FNDC3A: variants seen among roughly 807,000 people sequenced by gnomAD.
FNDC3A encodes fibronectin type-III domain-containing protein 3A.
FNDC3A carries 32 observed loss-of-function variants against 148.9 expected under a neutral mutation model. The observed-to-expected ratio is 0.21, with a 90% CI of 0.16 to 0.29. The LOEUF is 0.29. Among genes scored for constraint, FNDC3A ranks in the 10% least tolerant of loss-of-function variants. The pLI, the probability that FNDC3A is intolerant of heterozygous loss-of-function variation, is 1.00. For missense variants in FNDC3A, 1,191 were observed against 1,452.8 expected (o/e 0.82, Z 2.93); for synonymous variants, 472 against 473.6 (o/e 1.00, Z 0.04).
At chr13:49,202,580 C>CATGTACT (rs1886470621) in intron 24 of FNDC3A, among the ~76,000 whole-genome samples, 1 of 152,172 alleles carries the variant, frequency 6.6e-6, no homozygotes, top group Admixed American at 6.5e-5. Context: ...TATCCTAGAT[C>CATGTACT]ATGTACTTAA....
At chr13:49,144,013 G>GCTACTA (rs1236746605) in intron 7 of FNDC3A, among the ~76,000 whole-genome samples, 1 of 142,124 alleles carries the variant, frequency 7.0e-6, no homozygotes, top group Admixed American at 6.9e-5. Flanking sequence ...TACTACTACT[G>GCTACTA]CTACTACTAC....
chr13:49,161,137 C>T (rs1386478417), intron 8 of FNDC3A, among the ~76,000 whole-genome samples: 1 of 152,028 alleles, frequency 6.6e-6, no homozygotes, highest in African/African-American at 2.4e-5. Context: ...CTATTAGGTC[C>T]AGTTGGTGCA....
intron 3 of FNDC3A, among the ~76,000 whole-genome samples, chr13:49,087,426 G>C (rs1314109952): frequency 6.6e-6 from 1 of 152,050 alleles, no homozygotes; most frequent in Non-Finnish European, 1.5e-5. Flanking sequence ...TATTACGTAG[G>C]TAGAAATATG....
At chr13:49,057,086 G>T (rs1009069779) in intron 2 of FNDC3A, among the ~76,000 whole-genome samples, 14 of 152,248 alleles carry the variant, frequency 9.2e-5, no homozygotes, top group Admixed American at 9.2e-4. Flanking sequence ...AGGTACTCAG[G>T]CTTGATGGAC....
chr13:49,082,098 G>A (rs1475785855), intron 3 of FNDC3A, among the ~76,000 whole-genome samples: 1 of 151,976 alleles, frequency 6.6e-6, no homozygotes, highest in Non-Finnish European at 1.5e-5. Flanking sequence ...AAAAACAGTA[G>A]GATAGGCCCA....
chr13:49,163,401 C>T (rs1291923738), intron 8 of FNDC3A, among the ~76,000 whole-genome samples: 1 of 152,200 alleles, frequency 6.6e-6, no homozygotes, highest in Non-Finnish European at 1.5e-5. Context: ...ACTCTGCTAG[C>T]AGTAAGCAAG....
intron 3 of FNDC3A, among the ~76,000 whole-genome samples, chr13:49,077,795 A>C (rs1878217146): frequency 6.6e-6 from 1 of 152,202 alleles, no homozygotes; most frequent in South Asian, 2.1e-4. Context: ...TAAAGTAAAA[A>C]TTTTTTAAAA....
chr13:49,167,362 A>G (rs1157396587), intron 9 of FNDC3A, 59 bp downstream of exon 9: 17 of 917,378 alleles, frequency 1.9e-5, no homozygotes, highest in Admixed American at 2.5e-5. Context: ...TTTTTTTTAA[A>G]TAATTATTTT....
chr13:49,014,932 G>C (rs1336296570), intron 2 of FNDC3A, among the ~76,000 whole-genome samples: 4 of 149,258 alleles, frequency 2.7e-5, no homozygotes, highest in Non-Finnish European at 3.0e-5. Context: ...TATTTCTGAG[G>C]GCTCTGTTCT....
intron 2 of FNDC3A, among the ~76,000 whole-genome samples, chr13:49,032,828 C>A (rs1365906063): frequency 6.6e-6 from 1 of 151,846 alleles, no homozygotes; most frequent in Non-Finnish European, 1.5e-5. Flanking sequence ...TCTGTGTATA[C>A]TAAAAACCAT....
At chr13:49,136,298 A>G in intron 5 of FNDC3A, 34 bp from the exon 6 acceptor site, 1 of 1,558,604 alleles carries the variant, frequency 6.4e-7, no homozygotes, top group South Asian at 1.2e-5. Context: ...GGAGAAAGTG[A>G]TCTTCTTAAC....
At chr13:49,102,889 C>CT (rs1186729725) in intron 3 of FNDC3A, among the ~76,000 whole-genome samples, 1 of 152,128 alleles carries the variant, frequency 6.6e-6, no homozygotes, top group Non-Finnish European at 1.5e-5. Context: ...AGAGAGCTAT[C>CT]TTAATAGCAT....
chr13:49,132,110 A>C (rs761462502), intron 5 of FNDC3A, among the ~76,000 whole-genome samples: 1 of 152,010 alleles, frequency 6.6e-6, no homozygotes. Flanking sequence ...TCCTTTTCCA[A>C]CCCTTACATC....
chr13:49,100,565 A>T (rs1166401286), intron 3 of FNDC3A, among the ~76,000 whole-genome samples: 1 of 152,192 alleles, frequency 6.6e-6, no homozygotes, highest in Non-Finnish European at 1.5e-5. Flanking sequence ...AAGACTTTTT[A>T]AAAATTCTGA....
Position 49,145,897 on chromosome 13 carries a change from A to G in FNDC3A, c.939A>G (p.Ser313=). The G allele has an allele frequency of 6.2e-7, 1 of 1,610,578 alleles. No individual in the cohort carries two copies. The highest frequency in any genetic ancestry group is 8.5e-7 in the Non-Finnish European group (1 of 1,177,190). The part of the protein sequence containing the change: ...PELYGYEVLI[S]STGKDGKYKS... ...TCTATGGTTATGAAGTTCTGATCTC[A>G]AGTACTGGAAAAGATGGGAAATACA... The change falls in exon 8 of 26, where the codon TCA becomes TCG. Residue 313 remains serine (S), a synonymous_variant. Coordinates refer to ENST00000492622, the MANE Select transcript of FNDC3A (RefSeq NM_001079673.2).
Position 49,015,999 on chromosome 13 carries a change from G to T in FNDC3A, c.99+9710G>T, listed in dbSNP as rs533055409. On this transcript the variant is annotated intron_variant, in intron 2 of 25. Transcript: ENST00000492622. ...GCTTTTTGATGTGCTGCTGGATTCG[G>T]TTTGCCAGTATTTTATTGAGGATTT... Among the ~76,000 whole-genome samples, 390 of 148,730 alleles carry T rather than the reference G, an allele frequency of 2.6e-3. 1 individual carries two copies. In the East Asian group the frequency reaches 0.039, roughly 15 times the overall value.
chr13:49,072,277 CT>C (rs1438973863), intron 2 of FNDC3A, among the ~76,000 whole-genome samples: 3 of 152,040 alleles, frequency 2.0e-5, no homozygotes, highest in African/African-American at 7.2e-5. Flanking sequence ...AAAGACTGTT[CT>C]TTCCCCACTA....
intron 4 of FNDC3A, among the ~76,000 whole-genome samples, chr13:49,128,378 A>G (rs973868328): frequency 1.3e-5 from 2 of 152,168 alleles, no homozygotes; most frequent in Non-Finnish European, 2.9e-5. Context: ...AGGTTACATC[A>G]GGAATTCTCA....
rs1593760827 is a variant in FNDC3A at position 49,209,244 on chromosome 13, T to C, written c.*1849T>C. The C allele has an allele frequency of 6.5e-6, 1 of 152,766 alleles. No individual in the cohort carries two copies. Among genetic ancestry groups the C allele is most frequent in the Non-Finnish European group, 1.5e-5 (1 of 68,022 alleles). The allele number at this position is 152,766 out of a possible 1,614,324, so 9.5% of individuals were successfully genotyped here. On this transcript the variant is annotated 3_prime_UTR_variant, in exon 26 of 26. Transcript: ENST00000492622. ...TGTCTAAAATGGTAAAATGTGCCAC[T>C]GTGTCAAGTTACAGTGGCTTATGTT...
Sources: gnomAD v4.1 joint callset for allele counts (sites outside exome capture counted in the v4.1 genomes callset) on GRCh38, gnomAD v4.1.1 for gene constraint, MANE v1.5 for transcripts, NCBI Gene and HGNC (gene_info 2026-07-23, HGNC 2026-07-21) for gene names.